Variants in CYBA observed in about 807,000 individuals in gnomAD.
CYBA encodes cytochrome b-245 light chain.
In CYBA, 21 loss-of-function variants were observed where a neutral mutation model predicts 20.8. The ratio of observed to expected loss-of-function variants is 1.01; its 90% CI spans 0.72 to 1.46. The LOEUF (loss-of-function observed/expected upper bound fraction) is 1.46, where lower values mean the gene tolerates loss of function less well. Ranked by LOEUF, CYBA falls within the 40% of genes most tolerant of loss-of-function variation. CYBA has a pLI of 0.00. For synonymous variants in CYBA, 164 were observed against 127.5 expected, an observed-to-expected ratio of 1.29 and a Z score of -1.93; for missense variants, 344 against 287.0, an observed-to-expected ratio of 1.20 and a Z score of -1.43.
chr16:88,648,201 G>A, intron 1 of CYBA, 87 bp from the exon 2 acceptor site: 6 of 1,331,584 alleles, frequency 4.5e-6, no homozygotes, highest in Non-Finnish European at 5.2e-6. Context: ...TGGGCCACCA[G>A]GCCACCCAGA....
intron 5 of CYBA, chr16:88,644,886 G>C (rs1907219184): frequency 3.9e-6 from 2 of 509,030 alleles, no homozygotes; most frequent in African/African-American, 3.8e-5. Context: ...CAAAGGATTT[G>C]AACAGGCAAC....
chr16:88,646,787 C>T lies in CYBA; in HGVS notation c.255G>A (p.Arg85=), dbSNP rs1410731403. 6.2e-7 allele frequency: 1 copy of T among 1,613,978 alleles called. No individual in the cohort carries two copies. The highest frequency in any genetic ancestry group is 1.7e-5 in the Admixed American group (1 of 60,016). ...GCAGGACGGCCCGAACATAGTAATT[C>T]CTGGTAAAGGGCCCGAACAGCTTCA... is the stretch of plus-strand genomic sequence containing the variant. ...AVVKLFGPFT[R]NYYVRAVLHL... Residue 85 remains arginine, a synonymous_variant, in exon 4 of 6, where the codon AGG becomes AGA. Transcript: ENST00000261623.
rs104894514 is a variant in CYBA, at chr16:88,646,131, G to A, written c.354C>T (p.Ser118=). 3.2e-5 allele frequency: 49 copies of A among 1,555,546 alleles called. No individual in the cohort carries two copies. The highest frequency in any genetic ancestry group is 7.2e-5 in the East Asian group (3 of 41,452). The part of the protein sequence containing the change: ...ILGTACLAIA[S]GIYLLAAVRG... ...CGCCACTCACCAGTAGGTAGATGCC[G>A]CTCGCAATGGCCAGGCAGGCGGTCC... The change falls in exon 5 of 6, where the codon AGC becomes AGT. Residue 118 remains serine (S), a synonymous_variant. Coordinates refer to ENST00000261623, the MANE Select transcript of CYBA (RefSeq NM_000101.4).
chr16:88,645,045 G>C (rs1353961546), intron 5 of CYBA: 4 of 639,004 alleles, frequency 6.3e-6, no homozygotes. Flanking sequence ...GGCTGGTGGT[G>C]GGTTGTCTGC....
intron 5 of CYBA, chr16:88,645,233 C>T (rs1015429237): frequency 1.4e-6 from 1 of 702,324 alleles, no homozygotes; most frequent in African/African-American, 1.7e-5. Flanking sequence ...AGCAACAGCC[C>T]AGATGAGCAC....
rs2228472 is a variant in CYBA at position 88,646,805 on chromosome 16, C to A, written c.237G>T (p.Leu79=). ...AGTAATTCCTGGTAAAGGGCCCGAA[C>A]AGCTTCACCACGGCGGTCATGTACT... ...GQKYMTAVVK[L]FGPFTRNYYV... is the part of the protein sequence containing the mutation. Residue 79 remains leucine, a synonymous_variant, in exon 4 of 6, where the codon CTG becomes CTT. Coordinates refer to ENST00000261623, the MANE Select transcript of CYBA (RefSeq NM_000101.4). 1 of 1,613,934 alleles carries A rather than the reference C, an allele frequency of 6.2e-7. No individual in the cohort carries two copies. The highest frequency in any genetic ancestry group is 8.5e-7 in the Non-Finnish European group (1 of 1,179,986).
At chr16:88,647,860 C>T (rs959880962) in intron 2 of CYBA, 185 bp downstream of exon 2, 17 of 650,222 alleles carry the variant, frequency 2.6e-5, no homozygotes, top group African/African-American at 1.2e-4. Flanking sequence ...TGCCGCTGAT[C>T]GCCACATGGT....
intron 1 of CYBA, among the ~76,000 whole-genome samples, chr16:88,648,423 C>T (rs1278630666): frequency 6.6e-6 from 1 of 152,124 alleles, no homozygotes; most frequent in Non-Finnish European, 1.5e-5. Context: ...ACCCCCTTGT[C>T]ACCATGAGTC....
intron 1 of CYBA, chr16:88,650,505 G>A (rs1263182047): frequency 4.2e-6 from 2 of 470,704 alleles, no homozygotes; most frequent in African/African-American, 2.0e-5. Flanking sequence ...CCCAGGGCAT[G>A]AGCCCATTCC....
intron 1 of CYBA, chr16:88,650,268 C>T (rs1171794257): frequency 4.8e-6 from 2 of 415,444 alleles, no homozygotes; most frequent in Non-Finnish European, 5.0e-6. Context: ...CTGGGCCAGA[C>T]ACTCCCTGGC....
intron 1 of CYBA, among the ~76,000 whole-genome samples, chr16:88,649,791 C>T (rs994627719): frequency 2.0e-5 from 3 of 152,226 alleles, no homozygotes; most frequent in South Asian, 4.1e-4. Context: ...TCTAACTCTT[C>T]GGGCCAGGAG....
rs1459821344 is a variant in CYBA at position 88,643,635 on chromosome 16, C to T, written c.370-64G>A. 8.4e-6 allele frequency: 12 copies of T among 1,420,962 alleles called. No homozygotes were observed. Among genetic ancestry groups the T allele is most frequent in the African/African-American group, 5.7e-5 (4 of 69,916 alleles). The allele number at this position is 1,420,962 out of a possible 1,614,324, so 88.0% of individuals were successfully genotyped here. ...CGCCCTCCCTCCCTCCCTCCCTCCC[C>T]GGAGGCCCACCCCGCTAGGGGCCCT... On this transcript the variant is annotated intron_variant, in intron 5 of 5. Transcript: ENST00000261623. The surrounding 1 kb of genome is among the most constrained non-coding windows in gnomAD (Gnocchi z 4.3).
chr16:88,645,294 T>C (rs1162274017), intron 5 of CYBA: 1 of 702,418 alleles, frequency 1.4e-6, no homozygotes, highest in Non-Finnish European at 2.6e-6. Flanking sequence ...GGCAGGTCAG[T>C]GAGGCTTGAA....
intron 2 of CYBA, chr16:88,647,816 G>A: frequency 1.6e-6 from 1 of 608,926 alleles, no homozygotes; most frequent in Non-Finnish European, 3.0e-6. Context: ...GACACCCCCT[G>A]CCCACCACTC....
chr16:88,648,219 C>G (rs1445966242), intron 1 of CYBA, 105 bp from the exon 2 acceptor site: 8 of 1,028,006 alleles, frequency 7.8e-6, no homozygotes, highest in Non-Finnish European at 8.8e-6. Flanking sequence ...AGAGCTGCCC[C>G]CTACCCATCC....
At position 88,643,429 on chromosome 16, in the gene CYBA, T is replaced by G; in HGVS notation, c.512A>C (p.Glu171Ala). 1 of 1,534,608 alleles carries G rather than the reference T, an allele frequency of 6.5e-7. No homozygotes were observed. Among genetic ancestry groups the G allele is most frequent in the Non-Finnish European group, 8.7e-7 (1 of 1,143,566 alleles). Residue 171 changes from glutamate (E) to alanine (A), a missense_variant, in exon 6 of 6, where the codon GAG becomes GCG. Physicochemically the swap from Glu to Ala is moderately radical, Grantham distance 107. Transcript: ENST00000261623. The surrounding 1 kb of genome is among the most constrained non-coding windows in gnomAD (Gnocchi z 4.3). ...GGGTCCCCCCGCCGCCACCGCAGCC[T>G]CCTCCTCGCTGGGCTTCTTGCGGGC... ...AEARKKPSEEEAAVAAGGPPG... is the reference protein window; with the variant it reads ...AEARKKPSEEAAAVAAGGPPG...
chr16:88,645,601 TCA>T, intron 5 of CYBA: 1 of 608,000 alleles, frequency 1.6e-6, no homozygotes, highest in Non-Finnish European at 2.9e-6. Flanking sequence ...CCCTGGCCTC[TCA>T]GAGAGATCAC....
Position 88,649,126 on chromosome 16 carries a change from A to G in CYBA, c.59-1012T>C, listed in dbSNP as rs180814716. ...CTAATTTTTTGTATTTTTAGTAGAG[A>G]CGGGGTTTCACTGTGTTAGCCAGGA... On this transcript the variant is annotated intron_variant, in intron 1 of 5. Coordinates refer to ENST00000261623, the MANE Select transcript of CYBA (RefSeq NM_000101.4). Among the ~76,000 whole-genome samples the G allele has an allele frequency of 1.5e-3, 220 of 148,454 alleles. 2 individuals carry two copies. The highest frequency in any genetic ancestry group is 3.1e-3 in the African/African-American group (124 of 39,980).
chr16:88,646,550 C>CGGATTTGGA, intron 4 of CYBA: 3 of 703,024 alleles, frequency 4.3e-6, no homozygotes, highest in Non-Finnish European at 7.8e-6. Context: ...CGGAGCTCCT[C>CGGATTTGGA]GGATTTGGAG....
Sources: gnomAD v4.1 joint callset for allele counts (sites outside exome capture counted in the v4.1 genomes callset) on GRCh38, gnomAD v4.1.1 for gene constraint, Gnocchi (gnomAD v3.1) non-coding constraint, MANE v1.5 for transcripts, NCBI Gene and HGNC (gene_info 2026-07-23, HGNC 2026-07-21) for gene names.